Variants in SLC24A1 observed in about 807,000 individuals in gnomAD.
SLC24A1 encodes the protein sodium/potassium/calcium exchanger 1.
A neutral mutation model predicts 88.1 loss-of-function variants in SLC24A1; 52 were observed. The observed-to-expected ratio is 0.59, with a 90% CI of 0.47 to 0.74. The LOEUF is 0.74. Among genes scored for constraint, SLC24A1 ranks in the 30% least tolerant of loss-of-function variants. SLC24A1 has a pLI of 0.00. For missense variants in SLC24A1, 1,173 were observed against 1,363.3 expected (o/e 0.86, Z 2.20); for synonymous variants, 455 against 498.0 (o/e 0.91, Z 1.15).
Position 65,625,499 on chromosome 15 carries a change from C to T in SLC24A1, c.1419C>T (p.Cys473=), listed in dbSNP as rs763828933. 5.6e-6 allele frequency: 9 copies of T among 1,613,906 alleles called. No homozygotes were observed. In the Admixed American group the frequency reaches 6.7e-5, roughly 12 times the overall value. ...MYVFVALAIV[C]DEYFVPALGV... ...TGTTTGTGGCCTTGGCCATTGTTTG[C>T]GACGAGTACTTCGTTCCAGCCCTGG... Residue 473 remains cysteine (C), a synonymous_variant, in exon 2 of 10, where the codon TGC becomes TGT. Coordinates refer to ENST00000261892, the MANE Select transcript of SLC24A1 (RefSeq NM_004727.3).
At chr15:65,639,484 C>A in intron 3 of SLC24A1, 111 bp from the exon 4 acceptor site, 1 of 675,692 alleles carries the variant, frequency 1.5e-6, no homozygotes. Context: ...GATAAGGCAT[C>A]TGTGCTTTCT....
At chr15:65,660,197 G>C, downstream of SLC24A1, 1 of 972,268 alleles carries the variant, frequency 1.0e-6, no homozygotes, top group Non-Finnish European at 1.6e-6. Flanking sequence ...TATGTGCCTA[G>C]CACCAGATTT....
intron 5 of SLC24A1, 27 bp downstream of exon 5, chr15:65,644,540 T>C: frequency 6.7e-7 from 1 of 1,491,358 alleles, no homozygotes; most frequent in Non-Finnish European, 9.2e-7. Flanking sequence ...ACCAGTGGGT[T>C]TTCTCCTGCC....
In SLC24A1 at chr15:65,654,702, A is replaced by ATT; in HGVS notation, c.*626_*627dup. On this transcript the variant is annotated 3_prime_UTR_variant, in exon 10 of 10. Coordinates refer to ENST00000261892, the MANE Select transcript of SLC24A1 (RefSeq NM_004727.3). ...CCACTGCATCTGGATATATACCAGT[A>ATT]TTTTCTTTTTTTTTTTTTTTGAGAC... is the stretch of plus-strand genomic sequence containing the variant. 1 of 1,230,016 alleles carries ATT rather than the reference A, an allele frequency of 8.1e-7. No homozygotes were observed. The highest frequency in any genetic ancestry group is 1.1e-6 in the Non-Finnish European group (1 of 948,798). The allele number at this position is 1,230,016 out of a possible 1,614,324, so 76.2% of individuals were successfully genotyped here. A position where few individuals can be genotyped will look rare whatever the true frequency, so the allele number is the denominator to read the frequency against.
intron 4 of SLC24A1, among the ~76,000 whole-genome samples, chr15:65,641,946 A>G (rs932116539): frequency 3.3e-4 from 50 of 152,176 alleles, no homozygotes; most frequent in African/African-American, 1.2e-3. Flanking sequence ...CTGAGAGGGG[A>G]GAGGCATGTG....
chr15:65,638,203 C>A, intron 3 of SLC24A1, 22 bp downstream of exon 3: 2 of 1,542,804 alleles, frequency 1.3e-6, no homozygotes, highest in Non-Finnish European at 8.9e-7. Flanking sequence ...ATGGAGTCTG[C>A]CCAGTGGGGA....
chr15:65,617,208 T>A (rs2141397781), upstream of SLC24A1, among the ~76,000 whole-genome samples: 1 of 152,214 alleles, frequency 6.6e-6, no homozygotes, highest in East Asian at 1.9e-4. Flanking sequence ...CTTGGCAACG[T>A]GGGCTCTTTT....
upstream of SLC24A1, chr15:65,611,379 C>T: frequency 5.0e-6 from 3 of 599,932 alleles, no homozygotes; most frequent in Non-Finnish European, 8.9e-6. Context: ...CGAGCCTTGG[C>T]TGGGTTTCCT....
At position 65,653,947 on chromosome 15, in the gene SLC24A1, C is replaced by T; in HGVS notation, c.3168C>T (p.Ile1056=). The change falls in exon 10 of 10, where the codon ATC becomes ATT. Residue 1056 remains isoleucine (I), a synonymous_variant. Transcript: ENST00000261892. ...VLLFLMLLFV[I]SSIASCKWRM... is the part of the protein sequence containing the mutation. ...TTTTTCTCATGCTTCTGTTTGTGAT[C>T]TCTTCAATTGCGTCATGTAAATGGA... 2 of 1,614,004 alleles carry T rather than the reference C, an allele frequency of 1.2e-6. No homozygotes were observed. Among genetic ancestry groups the T allele is most frequent in the African/African-American group, 2.7e-5 (2 of 75,048 alleles).
exon 2 of SLC24A1, chr15:65,612,593 T>A (rs2073995494): frequency 6.6e-6 from 1 of 152,292 alleles, no homozygotes; most frequent in African/African-American, 2.4e-5. Flanking sequence ...TAGTTATGCT[T>A]GAGCAGGCAT....
chr15:65,624,857 T>C lies in SLC24A1; in HGVS notation c.777T>C (p.Phe259=), dbSNP rs1279236416. 1.2e-6 allele frequency: 2 copies of C among 1,614,034 alleles called. No homozygotes were observed. Among genetic ancestry groups the C allele is most frequent in the South Asian group, 2.2e-5 (2 of 91,080 alleles). ...LKGMFDSTPT[F]LTHEVEANVL... is the part of the protein sequence containing the mutation. ...GAATGTTTGATAGCACCCCAACTTT[T>C]CTGACACATGAGGTAGAAGCAAACG... Residue 259 remains phenylalanine, a synonymous_variant, in exon 2 of 10, where the codon TTT becomes TTC. Transcript: ENST00000261892.
chr15:65,654,888 G>A lies in SLC24A1; in HGVS notation c.*809G>A, dbSNP rs755760960. On this transcript the variant is annotated 3_prime_UTR_variant, in exon 10 of 10. Coordinates refer to ENST00000261892, the MANE Select transcript of SLC24A1 (RefSeq NM_004727.3). Reference sequence around the variant, plus strand: ...GCTGGGATTACAGGCGTCAGCCACCGCGCCTGGCCTATACCAGTATTTTCT... The same window carrying A: ...GCTGGGATTACAGGCGTCAGCCACCACGCCTGGCCTATACCAGTATTTTCT... 2.5e-4 allele frequency: 289 copies of A among 1,179,174 alleles called. 2 individuals are homozygous for A. The Middle Eastern group carries it at 4.1e-3, about 17-fold the overall frequency. 73.0% of individuals were successfully genotyped at this position (1,179,174 alleles called of 1,614,324 possible).
chr15:65,651,803 A>G (rs2075517878), intron 8 of SLC24A1, 44 bp downstream of exon 8: 2 of 987,462 alleles, frequency 2.0e-6, no homozygotes, highest in African/African-American at 3.2e-5. Flanking sequence ...GCAGGTCCCA[A>G]CGACACTTTC....
chr15:65,637,075 A>G (rs1240463344), intron 2 of SLC24A1, among the ~76,000 whole-genome samples: 2 of 152,160 alleles, frequency 1.3e-5, no homozygotes, highest in Non-Finnish European at 2.9e-5. Context: ...GCTGGTAGAC[A>G]ATTCATGCAG....
At chr15:65,636,524 A>G (rs62014364) in intron 2 of SLC24A1, among the ~76,000 whole-genome samples, 9,319 of 149,630 alleles carry the variant, frequency 0.062, 287 homozygotes, top group African/African-American at 0.088. Flanking sequence ...CGAGGCCACA[A>G]TGAGCCATGA....
At chr15:65,613,124 C>T (rs78341214) in intron 2 of SLC24A1, among the ~76,000 whole-genome samples, 7,853 of 152,264 alleles carry the variant, frequency 0.052, 681 homozygotes, top group African/African-American at 0.18. Context: ...CCCACTCAAA[C>T]GACCCTCAGC....
At chr15:65,630,431 C>T (rs2074676668) in intron 2 of SLC24A1, among the ~76,000 whole-genome samples, 1 of 152,184 alleles carries the variant, frequency 6.6e-6, no homozygotes, top group Non-Finnish European at 1.5e-5. Flanking sequence ...CCTATAGAGC[C>T]AGCTACCTGC....
intron 2 of SLC24A1, 85 bp downstream of exon 2, chr15:65,626,055 A>T (rs2074504320): frequency 9.5e-6 from 9 of 951,840 alleles, no homozygotes; most frequent in Admixed American, 3.4e-5. Context: ...AAGGTGCTGG[A>T]TCAGACCTCA....
At position 65,655,117 on chromosome 15, in the gene SLC24A1, T is replaced by C. The variant is rs2075636832; in HGVS notation, c.*1038T>C. ...CATGTTGTCTCCATCAGTGGTCACC[T>C]TGAGGGATTAGACATTCTAATGGAA... On this transcript the variant is annotated 3_prime_UTR_variant, in exon 10 of 10. Transcript: ENST00000261892. 1.0e-6 allele frequency: 1 copy of C among 1,003,172 alleles called. No homozygotes were observed. Among genetic ancestry groups the C allele is most frequent in the Non-Finnish European group, 1.2e-6 (1 of 840,590 alleles). 62.1% of individuals were successfully genotyped at this position (1,003,172 alleles called of 1,614,324 possible).
Sources: allele counts gnomAD v4.1 joint callset (sites outside exome capture counted in the v4.1 genomes callset), GRCh38; gene constraint gnomAD v4.1.1; transcripts MANE v1.5; gene names NCBI Gene and HGNC (gene_info 2026-07-23, HGNC 2026-07-21).